ST7: variants seen among roughly 807,000 people sequenced by gnomAD.
ST7 encodes the protein suppression of tumorigenicity 7.
In ST7, 28 loss-of-function variants were observed where a neutral mutation model predicts 78.7. The observed-to-expected ratio is 0.36, with a 90% confidence interval of 0.26 to 0.49. The LOEUF (loss-of-function observed/expected upper bound fraction) is 0.49, where lower values mean the gene tolerates loss of function less well. Among genes scored for constraint, ST7 ranks in the 20% least tolerant of loss-of-function variants. ST7 has a pLI of 0.99. For synonymous variants in ST7, 247 were observed against 249.6 expected (o/e 0.99, Z 0.10); for missense variants, 418 against 696.0 (o/e 0.60, Z 4.49).
intron 1 of ST7, among the ~76,000 whole-genome samples, chr7:116,986,764 TAGAG>T (rs200847894): frequency 7.3e-5 from 11 of 151,622 alleles, no homozygotes; most frequent in African/African-American, 2.2e-4. Flanking sequence ...AGTCTGGAGG[TAGAG>T]AGAGAGAGAT....
chr7:117,193,157 A>G (rs1809963205), intron 12 of ST7, among the ~76,000 whole-genome samples: 1 of 146,926 alleles, frequency 6.8e-6, no homozygotes, highest in Admixed American at 6.7e-5. Flanking sequence ...AGATACACAC[A>G]CACACACACA....
chr7:117,066,214 T>C (rs1417149937), intron 1 of ST7, among the ~76,000 whole-genome samples: 1 of 152,180 alleles, frequency 6.6e-6, no homozygotes, highest in South Asian at 2.1e-4. Flanking sequence ...TAAACCTTAT[T>C]TGTAGATGAG....
intron 1 of ST7, among the ~76,000 whole-genome samples, chr7:117,071,794 C>A (rs965827366): frequency 2.6e-5 from 4 of 152,216 alleles, no homozygotes; most frequent in African/African-American, 9.6e-5. Context: ...AGCATGTTTA[C>A]ACAGAGAAGC....
At chr7:117,120,479 C>T (rs1803278691) in intron 3 of ST7, among the ~76,000 whole-genome samples, 1 of 152,200 alleles carries the variant, frequency 6.6e-6, no homozygotes, top group Non-Finnish European at 1.5e-5. Context: ...GCATGAGCTG[C>T]TTGGCAACTT....
At chr7:117,070,436 G>A (rs1798868876) in intron 1 of ST7, among the ~76,000 whole-genome samples, 1 of 152,184 alleles carries the variant, frequency 6.6e-6, no homozygotes, top group Non-Finnish European at 1.5e-5. Flanking sequence ...GGAGGAGGGG[G>A]AAATGGAGAG....
At chr7:117,092,075 T>C (rs1800659859) in intron 1 of ST7, among the ~76,000 whole-genome samples, 1 of 151,926 alleles carries the variant, frequency 6.6e-6, no homozygotes, top group Non-Finnish European at 1.5e-5. Flanking sequence ...TAGTTGTTTG[T>C]TAGAAGCAAG....
intron 10 of ST7, among the ~76,000 whole-genome samples, chr7:117,179,709 G>T (rs1450005887): frequency 6.6e-6 from 1 of 151,990 alleles, no homozygotes; most frequent in African/African-American, 2.4e-5. Context: ...GGTGTGGGGG[G>T]GTAGGGGGAC....
intron 15 of ST7, chr7:117,223,821 G>A (rs147436186): frequency 5.2e-4 from 169 of 324,280 alleles, no homozygotes; most frequent in African/African-American, 3.6e-3. Flanking sequence ...AGAGCAGAAC[G>A]GTGTCTTCAT....
At chr7:116,985,054 T>C (rs930445234) in intron 1 of ST7, among the ~76,000 whole-genome samples, 1 of 152,184 alleles carries the variant, frequency 6.6e-6, no homozygotes, top group African/African-American at 2.4e-5. Flanking sequence ...CTCTCCTATA[T>C]AAAGTTACAT....
Position 117,229,842 on chromosome 7 carries a change from G to A in ST7, c.1719G>A (p.Gln573=). 3 of 1,614,060 alleles carry A rather than the reference G, an allele frequency of 1.9e-6. No individual in the cohort carries two copies. The highest frequency in any genetic ancestry group is 1.7e-6 in the Non-Finnish European group (2 of 1,179,986). ...TCCTCCCATCCAGTCTGTGGCACCA[G>A]CTAACACGGATCTGAGAGAAGCCCT... ...ESILPSSLWH[Q]LTRI Residue 573 remains glutamine (Q), a synonymous_variant, in exon 16 of 16, where the codon CAG becomes CAA. Transcript: ENST00000323984.
Position 117,227,208 on chromosome 7 carries a change from T to TG in ST7, c.1639-2554_1639-2553insG, listed in dbSNP as rs1293609205. Among the ~76,000 whole-genome samples the TG allele has an allele frequency of 2.0e-5, 3 of 152,278 alleles. No homozygotes were observed. In the East Asian group the frequency reaches 5.8e-4, roughly 29 times the overall value. On this transcript the variant is annotated intron_variant, in intron 15 of 15. Coordinates refer to ENST00000323984, the MANE Select transcript of ST7 (RefSeq NM_001369598.1). ...TTTAGTGTGTGTGCATCACCCAGAG[T>TG]ACAGACTTTGAGCGATGCCTGTTAT...
intron 3 of ST7, among the ~76,000 whole-genome samples, chr7:117,120,612 C>T (rs941591999): frequency 2.0e-5 from 3 of 152,174 alleles, no homozygotes. Flanking sequence ...CTCCCTTTTC[C>T]CTTATTCATC....
At chr7:116,966,250 T>TC (rs1432726641) in intron 1 of ST7, 4 of 214,394 alleles carry the variant, frequency 1.9e-5, no homozygotes, top group South Asian at 1.3e-4. Context: ...TTTCTTTCTT[T>TC]TTTTTTTTTT....
chr7:116,998,267 G>A (rs1245306015), intron 1 of ST7, among the ~76,000 whole-genome samples: 3 of 152,204 alleles, frequency 2.0e-5, no homozygotes, highest in South Asian at 2.1e-4. Context: ...GCCCTGGGCC[G>A]GCAGCGCCGG....
At chr7:116,981,253 A>C (rs1488986376) in intron 1 of ST7, among the ~76,000 whole-genome samples, 3 of 152,072 alleles carry the variant, frequency 2.0e-5, no homozygotes. Context: ...GTCCACAGGC[A>C]CATGCCACCA....
intron 1 of ST7, among the ~76,000 whole-genome samples, chr7:117,056,657 T>TA (rs1212409409): frequency 4.0e-5 from 6 of 150,596 alleles, no homozygotes; most frequent in Non-Finnish European, 8.9e-5. Flanking sequence ...AAAAATAAAT[T>TA]AAAAAAAATA....
At chr7:117,153,700 T>G (rs923577854) in intron 9 of ST7, among the ~76,000 whole-genome samples, 5 of 152,210 alleles carry the variant, frequency 3.3e-5, no homozygotes, top group East Asian at 1.9e-4. Context: ...GAAAACTATT[T>G]GTTACCTTTT....
At chr7:117,125,912 C>T (rs945929445) in intron 3 of ST7, among the ~76,000 whole-genome samples, 4 of 151,956 alleles carry the variant, frequency 2.6e-5, no homozygotes, top group South Asian at 2.1e-4. Flanking sequence ...GGATAAGAGT[C>T]GGGCAGTCTG....
chr7:117,220,223 T>C (rs1307449905), intron 14 of ST7, among the ~76,000 whole-genome samples: 1 of 152,200 alleles, frequency 6.6e-6, no homozygotes, highest in Non-Finnish European at 1.5e-5. Context: ...ACTCAATGGC[T>C]GTCATCAGAT....
Sources: gnomAD v4.1 joint callset for allele counts (sites outside exome capture counted in the v4.1 genomes callset) on GRCh38, gnomAD v4.1.1 for gene constraint, MANE v1.5 for transcripts, NCBI Gene and HGNC (gene_info 2026-07-23, HGNC 2026-07-21) for gene names.